MYSM1: variants seen among roughly 807,000 people sequenced by gnomAD.
MYSM1 encodes deubiquitinase MYSM1.
Under a neutral mutation model 116.0 loss-of-function variants are expected in MYSM1, and 51 were observed. That is an observed-to-expected ratio of 0.44 (90% confidence interval 0.35 to 0.56). The LOEUF is 0.56. MYSM1 is among the 20% of genes least tolerant of loss of function. The pLI is 0.00. For synonymous variants in MYSM1, 313 were observed against 315.2 expected, an observed-to-expected ratio of 0.99 and a Z score of 0.07; for missense variants, 900 against 974.9, an observed-to-expected ratio of 0.92 and a Z score of 1.02.
intron 19 of MYSM1, among the ~76,000 whole-genome samples, 170 bp downstream of exon 19, chr1:58,660,999 CA>C (rs1644382474): frequency 6.6e-6 from 1 of 151,964 alleles, no homozygotes; most frequent in African/African-American, 2.4e-5. Context: ...GCTTGGGCAA[CA>C]AAAAACGTTA....
At position 58,682,036 on chromosome 1, in the gene MYSM1, C is replaced by G; in HGVS notation, c.1008G>C (p.Arg336Ser). Reference protein sequence around the residue: ...HDGRGIIVDARQLPSPEPCEI... With the variant: ...HDGRGIIVDASQLPSPEPCEI... ...CACAAGGCTCTGGAGAAGGCAACTG[C>G]CTGGCATCAACTATTATTCCCCTTC... Residue 336 changes from arginine (R) to serine (S), a missense_variant, in exon 8 of 20, where the codon AGG becomes AGC. Arg to Ser is a moderately radical substitution (Grantham distance 110, BLOSUM62 -1). Coordinates refer to ENST00000472487, the MANE Select transcript of MYSM1 (RefSeq NM_001085487.3). 6.2e-7 allele frequency: 1 copy of G among 1,614,144 alleles called. No homozygotes were observed. Among genetic ancestry groups the G allele is most frequent in the Non-Finnish European group, 8.5e-7 (1 of 1,180,016 alleles).
In MYSM1 at chr1:58,699,914, G is replaced by A; in HGVS notation, c.68+71C>T. 4 of 1,604,766 alleles carry A rather than the reference G, an allele frequency of 2.5e-6. No individual in the cohort carries two copies. The East Asian group carries it at 9.0e-5, about 36-fold the overall frequency. On this transcript the variant is annotated intron_variant, in intron 1 of 19. Coordinates refer to ENST00000472487, the MANE Select transcript of MYSM1 (RefSeq NM_001085487.3). ...TCCCTTTTCCCTTGCCGGACCTGCA[G>A]CTTTCCCAGGGCCCGCTCCTTCAAT...
In MYSM1 at chr1:58,682,169, G is replaced by A. The variant is rs1156778052; in HGVS notation, c.875C>T (p.Ser292Leu). 6.2e-7 allele frequency: 1 copy of A among 1,612,312 alleles called. No homozygotes were observed. Among genetic ancestry groups the A allele is most frequent in the Non-Finnish European group, 8.5e-7 (1 of 1,178,746 alleles). ...TTTCTCAGTCCACAGTGTAATTTCT[G>A]AGCTTGAAAGTGTTTCATCTTGCTT... Reference protein sequence around the residue: ...NEKQDETLSSSEITLWTEKQS... With the variant: ...NEKQDETLSSLEITLWTEKQS... The change falls in exon 8 of 20, where the codon TCA (serine) becomes TTA (leucine). Residue 292 changes from serine (S) to leucine (L), a missense_variant. By Grantham distance (145) the Ser-to-Leu change is moderately radical. Coordinates refer to ENST00000472487, the MANE Select transcript of MYSM1 (RefSeq NM_001085487.3).
At position 58,654,944 on chromosome 1, in the gene MYSM1, T is replaced by C. The variant is rs1644300788; in HGVS notation, c.*5053A>G. Reference sequence around the variant, plus strand: ...TTTTTAAATACAGACATATACAACATGGCATATTTAAATGTACAAAATAGT... The same window carrying C: ...TTTTTAAATACAGACATATACAACACGGCATATTTAAATGTACAAAATAGT... On this transcript the variant is annotated 3_prime_UTR_variant, in exon 20 of 20. Transcript: ENST00000472487. 1 of 152,170 alleles carries C rather than the reference T, an allele frequency of 6.6e-6. No homozygotes were observed. The highest frequency in any genetic ancestry group is 1.5e-5 in the Non-Finnish European group (1 of 68,012). The allele number at this position is 152,170 out of a possible 1,614,324, so 9.4% of individuals were successfully genotyped here. A position where few individuals can be genotyped will look rare whatever the true frequency, so the allele number is the denominator to read the frequency against.
intron 8 of MYSM1, among the ~76,000 whole-genome samples, chr1:58,679,116 A>C (rs1179573008): frequency 6.6e-6 from 1 of 152,194 alleles, no homozygotes. Flanking sequence ...TATGAAAAGA[A>C]TCTTTATCTA....
Position 58,656,184 on chromosome 1 carries a change from C to T in MYSM1, c.*3813G>A, listed in dbSNP as rs1644317082. The T allele has an allele frequency of 6.6e-6, 1 of 152,240 alleles. No individual in the cohort carries two copies. Among genetic ancestry groups the T allele is most frequent in the African/African-American group, 2.4e-5 (1 of 41,452 alleles). 9.4% of individuals were successfully genotyped at this position (152,240 alleles called of 1,614,324 possible). ...GTCTCCTCTGTTGGGTTGAGAGCTGCAGAGGTTCTGACTGTGCTTACAGTC... is the reference window on the plus strand; with the variant it reads ...GTCTCCTCTGTTGGGTTGAGAGCTGTAGAGGTTCTGACTGTGCTTACAGTC... On this transcript the variant is annotated 3_prime_UTR_variant, in exon 20 of 20. Transcript: ENST00000472487.
At chr1:58,671,601 C>T (rs513436) in intron 12 of MYSM1, among the ~76,000 whole-genome samples, 133,924 of 152,152 alleles carry the variant, frequency 0.88, 58,921 homozygotes, top group East Asian at 0.93. Context: ...CTGTCCATAG[C>T]GTCTAGAGTT....
At chr1:58,691,076 G>A (rs1430805039) in intron 3 of MYSM1, among the ~76,000 whole-genome samples, 2 of 151,748 alleles carry the variant, frequency 1.3e-5, no homozygotes, top group East Asian at 1.9e-4. Flanking sequence ...TTAGGAGATC[G>A]AGACCATCCT....
chr1:58,689,097 G>C lies in MYSM1; in HGVS notation c.340C>G (p.Pro114Ala), dbSNP rs776109885. 2 of 1,611,214 alleles carry C rather than the reference G, an allele frequency of 1.2e-6. No homozygotes were observed. Among genetic ancestry groups the C allele is most frequent in the African/African-American group, 2.7e-5 (2 of 74,664 alleles). ...GTCCACTTTACTGAGTAACTGGCTGGTTTTGTAGGAGAGTGTACCCTGAGG... is the reference window on the plus strand; with the variant it reads ...GTCCACTTTACTGAGTAACTGGCTGCTTTTGTAGGAGAGTGTACCCTGAGG... ...AKIMVHSPTKPASYSVKWTIE... is the reference protein window; with the variant it reads ...AKIMVHSPTKAASYSVKWTIE... The change falls in exon 6 of 20, where the codon CCA (proline) becomes GCA (alanine). Residue 114 changes from proline to alanine, a missense_variant. By Grantham distance (27) the Pro-to-Ala change is conservative. Coordinates refer to ENST00000472487, the MANE Select transcript of MYSM1 (RefSeq NM_001085487.3).
At chr1:58,662,212 A>G (rs1644402995) in intron 17 of MYSM1, among the ~76,000 whole-genome samples, 1 of 152,118 alleles carries the variant, frequency 6.6e-6, no homozygotes, top group Non-Finnish European at 1.5e-5. Context: ...GAAAGAAAGA[A>G]GCCCAAGGGG....
At chr1:58,665,774 G>A (rs1644459580) in intron 16 of MYSM1, 143 bp from the exon 17 acceptor site, 1 of 615,532 alleles carries the variant, frequency 1.6e-6, no homozygotes, top group Non-Finnish European at 2.7e-6. Context: ...GCCCGGCACA[G>A]TGGCCCACGC....
intron 17 of MYSM1, among the ~76,000 whole-genome samples, chr1:58,665,160 G>A (rs1389518275): frequency 1.3e-5 from 2 of 152,048 alleles, no homozygotes; most frequent in African/African-American, 4.8e-5. Context: ...GAGAAAGCCA[G>A]TCTGCATTTA....
At chr1:58,679,722 G>C (rs920666871) in intron 8 of MYSM1, among the ~76,000 whole-genome samples, 2 of 152,142 alleles carry the variant, frequency 1.3e-5, no homozygotes, top group African/African-American at 2.4e-5. Flanking sequence ...GCCTCCAAAA[G>C]CACGGGGATG....
intron 2 of MYSM1, among the ~76,000 whole-genome samples, chr1:58,693,816 T>C (rs944384868): frequency 1.3e-5 from 2 of 152,196 alleles, no homozygotes; most frequent in African/African-American, 4.8e-5. Context: ...AATTTGCTAA[T>C]CTCTATTAAA....
chr1:58,682,596 A>C, intron 7 of MYSM1, 51 bp from the exon 8 acceptor site: 1 of 1,453,068 alleles, frequency 6.9e-7, no homozygotes, highest in Non-Finnish European at 9.2e-7. Context: ...TTAAAAATTT[A>C]ATCACTGGTA....
intron 8 of MYSM1, 33 bp downstream of exon 8, chr1:58,681,752 T>G: frequency 6.5e-7 from 1 of 1,528,732 alleles, no homozygotes; most frequent in Non-Finnish European, 8.8e-7. Context: ...TATCACGTTT[T>G]AAAACAACAT....
intron 19 of MYSM1, among the ~76,000 whole-genome samples, chr1:58,660,932 C>T (rs989235260): frequency 7.9e-5 from 12 of 152,110 alleles, no homozygotes; most frequent in South Asian, 6.2e-4. Flanking sequence ...TAATAATCTG[C>T]TAAAATCAGC....
At chr1:58,698,968 T>C (rs562571520) in intron 1 of MYSM1, among the ~76,000 whole-genome samples, 10 of 152,344 alleles carry the variant, frequency 6.6e-5, no homozygotes, top group Admixed American at 2.0e-4. Flanking sequence ...CTGAACTACA[T>C]GAAGTTGCCG....
chr1:58,680,348 C>G (rs915213369), intron 8 of MYSM1, among the ~76,000 whole-genome samples: 7 of 152,080 alleles, frequency 4.6e-5, no homozygotes, highest in Non-Finnish European at 7.4e-5. Context: ...AACATAATAC[C>G]ATCTGCATTA....
Sources: gnomAD v4.1 joint callset for allele counts (sites outside exome capture counted in the v4.1 genomes callset) on GRCh38, gnomAD v4.1.1 for gene constraint, MANE v1.5 for transcripts, NCBI Gene and HGNC (gene_info 2026-07-23, HGNC 2026-07-21) for gene names.